Variants in HERC4 observed in about 807,000 individuals in gnomAD.
The protein encoded by HERC4 is HECT and RLD domain containing E3 ubiquitin protein ligase 4, also known as probable E3 ubiquitin-protein ligase HERC4.
Under a neutral mutation model 124.3 loss-of-function variants are expected in HERC4, and 28 were observed. The observed-to-expected ratio is 0.23, with a 90% CI of 0.17 to 0.31. HERC4 has a LOEUF of 0.31. HERC4 is among the 10% of genes least tolerant of loss of function. The pLI is 1.00. For synonymous variants in HERC4, 407 were observed against 421.5 expected, an observed-to-expected ratio of 0.97 and a Z score of 0.42; for missense variants, 713 against 1,229.3, an observed-to-expected ratio of 0.58 and a Z score of 6.28.
At chr10:67,960,390 A>T (rs539883139) in intron 16 of HERC4, among the ~76,000 whole-genome samples, 2 of 151,846 alleles carry the variant, frequency 1.3e-5, no homozygotes, top group African/African-American at 4.8e-5. Context: ...AAAAGCCTAA[A>T]ATTTTTTTTT....
intron 8 of HERC4, among the ~76,000 whole-genome samples, chr10:68,020,434 A>G (rs1432485971): frequency 6.6e-6 from 1 of 152,078 alleles, no homozygotes; most frequent in African/African-American, 2.4e-5. Flanking sequence ...AAAAAAATGT[A>G]TGAACAAAAC....
chr10:68,042,382 T>C (rs548091756), intron 4 of HERC4, among the ~76,000 whole-genome samples: 3 of 152,146 alleles, frequency 2.0e-5, no homozygotes, highest in Non-Finnish European at 4.4e-5. Context: ...CTCAACACTT[T>C]GGGAGGCCAA....
intron 16 of HERC4, among the ~76,000 whole-genome samples, chr10:67,959,556 C>G (rs2034367080): frequency 6.6e-6 from 1 of 151,764 alleles, no homozygotes; most frequent in Non-Finnish European, 1.5e-5. Flanking sequence ...AGCAAAATGT[C>G]TGACAGTGTT....
intron 15 of HERC4, among the ~76,000 whole-genome samples, chr10:67,986,519 AT>A (rs199645377): frequency 6.6e-6 from 1 of 150,764 alleles, no homozygotes. Context: ...TACCCAGCTA[AT>A]TTTTTTTTGT....
rs987629478 is a variant in HERC4 at position 67,990,218 on chromosome 10, T to C, written c.1626A>G (p.Lys542=). 1.9e-6 allele frequency: 3 copies of C among 1,599,986 alleles called. No individual in the cohort carries two copies. Among genetic ancestry groups the C allele is most frequent in the Admixed American group, 1.8e-5 (1 of 57,084 alleles). The part of the protein sequence containing the change: ...ALVNLEKAPL[K]VLENWWSVLE... ...AAATATTAGAATTCTTACCAAGTAC[T>C]TTCAGTGGTGCCTTTTCTAGGTTCA... The change falls in exon 14 of 25, where the codon AAA becomes AAG. Residue 542 remains lysine, a synonymous_variant. Coordinates refer to ENST00000373700, the MANE Select transcript of HERC4 (RefSeq NM_015601.4).
At chr10:68,014,662 CAAT>C (rs1448111229) in intron 8 of HERC4, among the ~76,000 whole-genome samples, 2 of 152,138 alleles carry the variant, frequency 1.3e-5, no homozygotes, top group Non-Finnish European at 2.9e-5. Flanking sequence ...ATGACAGAAA[CAAT>C]GTTTCCTTTC....
At chr10:67,960,984 G>A (rs143612564) in intron 16 of HERC4, 96 of 356,728 alleles carry the variant, frequency 2.7e-4, no homozygotes, top group Middle Eastern at 1.7e-3. Context: ...ACTTTCTTGC[G>A]GATTTGGCGG....
intron 15 of HERC4, among the ~76,000 whole-genome samples, chr10:67,979,247 G>C (rs1426978456): frequency 6.6e-6 from 1 of 151,980 alleles, no homozygotes; most frequent in Non-Finnish European, 1.5e-5. Flanking sequence ...AGATAATACA[G>C]AGAAAGAATA....
intron 13 of HERC4, among the ~76,000 whole-genome samples, chr10:67,990,683 C>G (rs183947812): frequency 3.9e-5 from 6 of 152,172 alleles, no homozygotes; most frequent in African/African-American, 1.4e-4. Flanking sequence ...CAAACTTAAG[C>G]AACGTGGTAA....
rs528408833 is a variant in HERC4, at chr10:67,958,669, A to G, written c.1927-1693T>C. ...TAGAAGTGAGAAAGATAATCATACAAAAAGTTTAACTTTGTGACCATTCTG... is the reference window on the plus strand; with the variant it reads ...TAGAAGTGAGAAAGATAATCATACAGAAAGTTTAACTTTGTGACCATTCTG... On this transcript the variant is annotated intron_variant, in intron 16 of 24. Transcript: ENST00000373700. Among the ~76,000 whole-genome samples, 9 of 152,330 alleles carry G rather than the reference A, an allele frequency of 5.9e-5. No individual in the cohort carries two copies. In the East Asian group the frequency reaches 1.7e-3, roughly 29 times the overall value.
intron 15 of HERC4, among the ~76,000 whole-genome samples, chr10:67,982,766 T>C (rs1157705286): frequency 6.6e-6 from 1 of 151,894 alleles, no homozygotes; most frequent in Non-Finnish European, 1.5e-5. Flanking sequence ...TAGAAAAAAA[T>C]GCAATAATCC....
chr10:68,030,122 T>C lies in HERC4; in HGVS notation c.777+2656A>G, dbSNP rs566714002. Among the ~76,000 whole-genome samples the C allele has an allele frequency of 2.6e-5, 4 of 152,152 alleles. No individual in the cohort carries two copies. In the South Asian group the frequency reaches 6.2e-4, roughly 24 times the overall value. ...GGCAAGGCACATTTGTTCTGGCTAT[T>C]AATTTTAAATTTACTGTATTTTTAA... On this transcript the variant is annotated intron_variant, in intron 7 of 24. Transcript: ENST00000373700.
At position 68,069,875 on chromosome 10, in the gene HERC4, T is replaced by C. The variant is rs186614828; in HGVS notation, c.226+3008A>G. 43 of 445,340 alleles carry C rather than the reference T, an allele frequency of 9.7e-5. 1 individual carries two copies. The highest frequency in any genetic ancestry group is 1.1e-3 in the Middle Eastern group (1 of 876). 27.6% of individuals were successfully genotyped at this position (445,340 alleles called of 1,614,324 possible). On this transcript the variant is annotated intron_variant, in intron 3 of 24. Transcript: ENST00000373700. ...GGCTAACACGGTGAAACCCCGTCCC[T>C]ACTAAAAATATAAAAAATTACCCGG...
intron 3 of HERC4, among the ~76,000 whole-genome samples, chr10:68,055,220 G>A (rs1782449161): frequency 6.6e-6 from 1 of 152,168 alleles, no homozygotes; most frequent in Admixed American, 6.5e-5. Flanking sequence ...CAGAATTAAA[G>A]AAACAAACAA....
intron 21 of HERC4, among the ~76,000 whole-genome samples, chr10:67,939,379 C>T (rs1044343594): frequency 6.6e-6 from 1 of 152,096 alleles, no homozygotes; most frequent in Admixed American, 6.6e-5. Flanking sequence ...CATCTGTAAA[C>T]CAGGGATAAT....
chr10:68,032,455 C>T (rs774581312), intron 7 of HERC4, among the ~76,000 whole-genome samples: 1 of 152,146 alleles, frequency 6.6e-6, no homozygotes, highest in African/African-American at 2.4e-5. Context: ...ATGCATATAT[C>T]ATGGCAAGCT....
Position 67,956,873 on chromosome 10 carries a change from T to C in HERC4, c.2025+5A>G. 1 of 1,530,054 alleles carries C rather than the reference T, an allele frequency of 6.5e-7. No homozygotes were observed. Among genetic ancestry groups the C allele is most frequent in the Non-Finnish European group, 8.8e-7 (1 of 1,136,034 alleles). 94.8% of individuals were successfully genotyped at this position (1,530,054 alleles called of 1,614,324 possible). ...AAAAAAAAACCCTCTCAAATAATAT[T>C]TTACCTGCATCTGTAAGACTGCATC... On this transcript the variant is annotated splice_donor_5th_base_variant and intron_variant, in intron 17 of 24. Transcript: ENST00000373700.
At chr10:68,059,467 T>G (rs1479866880) in intron 3 of HERC4, among the ~76,000 whole-genome samples, 2 of 132,198 alleles carry the variant, frequency 1.5e-5, no homozygotes, top group Non-Finnish European at 3.1e-5. Context: ...ATAATAATAT[T>G]ATATATTATA....
chr10:67,959,200 C>A, intron 16 of HERC4: 1 of 1,421,552 alleles, frequency 7.0e-7, no homozygotes, highest in South Asian at 1.3e-5. Flanking sequence ...CCAAATTTAA[C>A]TATTTCTATT....
Sources: gnomAD v4.1 joint callset for allele counts (sites outside exome capture counted in the v4.1 genomes callset) on GRCh38, gnomAD v4.1.1 for gene constraint, MANE v1.5 for transcripts, NCBI Gene and HGNC (gene_info 2026-07-23, HGNC 2026-07-21) for gene names.